The following PPHLN1 variants were observed in gnomAD, a reference collection of about 807,000 sequenced individuals.
The protein encoded by PPHLN1 is periphilin-1.
In PPHLN1, 29 loss-of-function variants were observed where a neutral mutation model predicts 51.3. That is an observed-to-expected ratio of 0.57 (90% CI 0.42 to 0.77). The LOEUF (loss-of-function observed/expected upper bound fraction) is 0.77. Ranked by LOEUF, PPHLN1 falls within the 30% of genes least tolerant of loss-of-function variation. PPHLN1 has a pLI of 0.00. For synonymous variants in PPHLN1, 147 were observed against 147.8 expected (o/e 0.99, Z 0.04); for missense variants, 436 against 438.4 (o/e 0.99, Z 0.05).
intron 2 of PPHLN1, among the ~76,000 whole-genome samples, chr12:42,337,612 A>G (rs1231290254): frequency 1.4e-5 from 2 of 141,152 alleles, no homozygotes; most frequent in Non-Finnish European, 3.1e-5. Flanking sequence ...CTTTTTTTTG[A>G]GGCAGTCTTA....
intron 4 of PPHLN1, among the ~76,000 whole-genome samples, chr12:42,366,955 A>G (rs1392177784): frequency 6.6e-6 from 1 of 152,248 alleles, no homozygotes; most frequent in Admixed American, 6.5e-5. Flanking sequence ...CTTCATGAAC[A>G]AGTTTTTTTT....
intron 8 of PPHLN1, among the ~76,000 whole-genome samples, chr12:42,394,385 C>T (rs927320399): frequency 2.0e-5 from 3 of 152,044 alleles, no homozygotes; most frequent in Admixed American, 6.5e-5. Flanking sequence ...AAATCCGTCC[C>T]GTGACAAATT....
intron 5 of PPHLN1, among the ~76,000 whole-genome samples, chr12:42,377,101 G>C (rs2076332243): frequency 7.4e-6 from 1 of 134,432 alleles, no homozygotes; most frequent in African/African-American, 3.2e-5. Flanking sequence ...AGGCTTTTTT[G>C]CGATTTTTTT....
At chr12:42,426,889 G>C (rs918720403) in intron 9 of PPHLN1, among the ~76,000 whole-genome samples, 2 of 152,096 alleles carry the variant, frequency 1.3e-5, no homozygotes, top group African/African-American at 4.8e-5. Context: ...CTCTTTGGTG[G>C]TAGATGAGCT....
At chr12:42,328,606 TCTC>T (rs1291775179) in intron 1 of PPHLN1, among the ~76,000 whole-genome samples, 3 of 152,248 alleles carry the variant, frequency 2.0e-5, no homozygotes, top group East Asian at 1.9e-4. Flanking sequence ...CAATCAGGGA[TCTC>T]CTACTAAGTT....
chr12:42,382,852 G>A (rs1374691955), intron 5 of PPHLN1, among the ~76,000 whole-genome samples: 6 of 152,148 alleles, frequency 3.9e-5, no homozygotes, highest in South Asian at 2.1e-4. Context: ...TAGAGGATAA[G>A]AAGAATGAGA....
intron 9 of PPHLN1, among the ~76,000 whole-genome samples, chr12:42,421,791 A>G (rs2081031515): frequency 6.6e-6 from 1 of 152,074 alleles, no homozygotes; most frequent in Non-Finnish European, 1.5e-5. Context: ...AGTAGCTAAG[A>G]TTTTGTTGAA....
chr12:42,392,229 C>T (rs1468522988), intron 7 of PPHLN1, among the ~76,000 whole-genome samples: 1 of 151,960 alleles, frequency 6.6e-6, no homozygotes, highest in East Asian at 1.9e-4. Context: ...TCGCCCCTCC[C>T]AAAAAAGCCT....
At chr12:42,413,768 G>T (rs972631511) in intron 9 of PPHLN1, among the ~76,000 whole-genome samples, 24 of 152,054 alleles carry the variant, frequency 1.6e-4, no homozygotes, top group African/African-American at 5.3e-4. Context: ...CAGCCATGTT[G>T]TCCAGGCTGG....
At chr12:42,381,488 A>G (rs1414641690) in intron 5 of PPHLN1, among the ~76,000 whole-genome samples, 19 of 152,192 alleles carry the variant, frequency 1.2e-4, no homozygotes, top group Admixed American at 1.2e-3. Flanking sequence ...TGTGCTTCCA[A>G]GTATTCAGTC....
chr12:42,446,267 G>T (rs1460054062), downstream of PPHLN1: 3 of 1,602,196 alleles, frequency 1.9e-6, no homozygotes, highest in African/African-American at 1.3e-5. Flanking sequence ...TATGCTCTCT[G>T]TTGTACATTG....
chr12:42,375,102 C>A (rs2076141669), intron 5 of PPHLN1, 28 bp downstream of exon 5: 2 of 1,488,250 alleles, frequency 1.3e-6, no homozygotes, highest in African/African-American at 2.8e-5. Flanking sequence ...TTATTTTTTT[C>A]TCTCACAGTC....
intron 9 of PPHLN1, among the ~76,000 whole-genome samples, chr12:42,427,296 G>A (rs771364143): frequency 2.1e-4 from 32 of 152,110 alleles, no homozygotes; most frequent in Non-Finnish European, 4.3e-4. Context: ...TTAATTCAGT[G>A]TTTACATAAG....
Position 42,441,401 on chromosome 12 carries a change from T to A in PPHLN1, c.996T>A (p.Phe332Leu). Residue 332 changes from phenylalanine to leucine, a missense_variant, in exon 10 of 10, where the codon TTT becomes TTA. Coordinates refer to ENST00000358314, the MANE Select transcript of PPHLN1 (RefSeq NM_201439.2). ...KDPSLEKSIQ[F>L]ALRQNLHEIG... Reference sequence around the variant, plus strand: ...CTTCATTAGAAAAGTCTATACAGTTTGCATTGAGGCAGAATTTACATGAAA... The same window carrying A: ...CTTCATTAGAAAAGTCTATACAGTTAGCATTGAGGCAGAATTTACATGAAA... 2 of 1,614,156 alleles carry A rather than the reference T, an allele frequency of 1.2e-6. No homozygotes were observed. Among genetic ancestry groups the A allele is most frequent in the Non-Finnish European group, 1.7e-6 (2 of 1,180,016 alleles).
chr12:42,389,920 A>G (rs895554845), intron 7 of PPHLN1, among the ~76,000 whole-genome samples: 1 of 152,216 alleles, frequency 6.6e-6, no homozygotes. Flanking sequence ...ACCCCTCACT[A>G]TACCATTCTT....
At chr12:42,345,981 T>TGCATA (rs2072258453) in intron 2 of PPHLN1, among the ~76,000 whole-genome samples, 1 of 152,158 alleles carries the variant, frequency 6.6e-6, no homozygotes, top group Non-Finnish European at 1.5e-5. Flanking sequence ...TGTTATGGGA[T>TGCATA]ACATATAGAT....
chr12:42,418,848 T>G (rs1352729314), intron 9 of PPHLN1, among the ~76,000 whole-genome samples: 2 of 152,196 alleles, frequency 1.3e-5, no homozygotes, highest in East Asian at 3.8e-4. Flanking sequence ...CACTACATGT[T>G]TTTTTCACCA....
At chr12:42,329,841 A>G (rs1240481154) in intron 1 of PPHLN1, 2 of 152,174 alleles carry the variant, frequency 1.3e-5, no homozygotes, top group Non-Finnish European at 2.9e-5. Context: ...AGAGACTGAG[A>G]AAAGAAATAA....
intron 9 of PPHLN1, chr12:42,400,400 G>A (rs1291029775): frequency 2.7e-5 from 4 of 149,432 alleles, no homozygotes; most frequent in South Asian, 2.1e-4. Context: ...CCCGGGAGGC[G>A]GAGCTTGCAG....
Sources: allele counts gnomAD v4.1 joint callset (sites outside exome capture counted in the v4.1 genomes callset), GRCh38; gene constraint gnomAD v4.1.1; transcripts MANE v1.5; gene names NCBI Gene and HGNC (gene_info 2026-07-23, HGNC 2026-07-21).